The following RASGEF1A variants were observed in gnomAD, a reference collection of about 807,000 sequenced individuals.
The protein encoded by RASGEF1A is ras-GEF domain-containing family member 1A.
Under a neutral mutation model 56.4 loss-of-function variants are expected in RASGEF1A, and 18 were observed. That is an observed-to-expected ratio of 0.32 (90% CI 0.22 to 0.47). The LOEUF is 0.47. Among genes scored for constraint, RASGEF1A ranks in the 20% least tolerant of loss-of-function variants. RASGEF1A has a pLI of 1.00. For missense variants in RASGEF1A, 422 were observed against 627.1 expected (o/e 0.67, Z 3.49); for synonymous variants, 245 against 242.6 (o/e 1.01, Z -0.09).
intron 1 of RASGEF1A, among the ~76,000 whole-genome samples, chr10:43,218,500 C>T (rs1368028629): frequency 6.6e-6 from 1 of 152,246 alleles, no homozygotes; most frequent in Non-Finnish European, 1.5e-5. Context: ...CCCTTGTTCC[C>T]TCTGCAGCAG....
At chr10:43,255,694 G>C (rs895377522) in intron 1 of RASGEF1A, among the ~76,000 whole-genome samples, 2 of 152,228 alleles carry the variant, frequency 1.3e-5, no homozygotes, top group Non-Finnish European at 2.9e-5. Context: ...CAGGGCCAGA[G>C]TTAAAACCAA....
chr10:43,212,168 G>C (rs1840077647), intron 1 of RASGEF1A, among the ~76,000 whole-genome samples: 1 of 152,178 alleles, frequency 6.6e-6, no homozygotes, highest in Non-Finnish European at 1.5e-5. Flanking sequence ...GCACTGTTTT[G>C]AGACACAGAA....
At chr10:43,249,810 G>A (rs1159889388) in intron 1 of RASGEF1A, among the ~76,000 whole-genome samples, 1 of 152,202 alleles carries the variant, frequency 6.6e-6, no homozygotes, top group Non-Finnish European at 1.5e-5. Flanking sequence ...CCAAAACAGA[G>A]GATGTTCCTG....
At chr10:43,198,329 G>T in intron 9 of RASGEF1A, 134 bp from the exon 10 acceptor site, 1 of 732,752 alleles carries the variant, frequency 1.4e-6, no homozygotes, top group Non-Finnish European at 2.1e-6. Flanking sequence ...GAGTTAGCAC[G>T]GGGGAGGGGA....
In RASGEF1A at chr10:43,256,794, G is replaced by A. The variant is rs147984557; in HGVS notation, c.-7+10051C>T. 3.0e-3 allele frequency among the ~76,000 whole-genome samples: 463 copies of A among 152,260 alleles called. 2 individuals are homozygous for A. Among genetic ancestry groups the A allele is most frequent in the African/African-American group, 9.8e-3 (409 of 41,540 alleles). ...CCGTGAAGGTGGCATGAAACCCCGG[G>A]CCTCTGTTCCCCGACTTTCTTGCCA... On this transcript the variant is annotated intron_variant, in intron 1 of 12. Coordinates refer to ENST00000395810, the MANE Select transcript of RASGEF1A (RefSeq NM_145313.4).
chr10:43,228,651 T>G lies in RASGEF1A; in HGVS notation c.-6-22529A>C, dbSNP rs962765550. Among the ~76,000 whole-genome samples the G allele has an allele frequency of 2.0e-5, 3 of 152,186 alleles. No homozygotes were observed. In the East Asian group the frequency reaches 5.8e-4, roughly 29 times the overall value. On this transcript the variant is annotated intron_variant, in intron 1 of 12. Coordinates refer to ENST00000395810, the MANE Select transcript of RASGEF1A (RefSeq NM_145313.4). Reference sequence around the variant, plus strand: ...TCTATCGCTGCAGAATGACCTGAACTACCCTCACCGATGAACTCCTCACAG... The same window carrying G: ...TCTATCGCTGCAGAATGACCTGAACGACCCTCACCGATGAACTCCTCACAG...
intron 1 of RASGEF1A, among the ~76,000 whole-genome samples, chr10:43,237,990 G>A (rs1840453045): frequency 6.6e-6 from 1 of 152,194 alleles, no homozygotes; most frequent in Non-Finnish European, 1.5e-5. Flanking sequence ...CTGCCCATCA[G>A]GGGAGTGGGC....
At chr10:43,200,363 C>A (rs1369106778) in intron 5 of RASGEF1A, 107 bp from the exon 6 acceptor site, 8 of 930,858 alleles carry the variant, frequency 8.6e-6, no homozygotes, top group Admixed American at 2.1e-5. Flanking sequence ...GGGCACAGGA[C>A]CTTCACCTCC....
At chr10:43,238,370 T>G (rs1024858539) in intron 1 of RASGEF1A, among the ~76,000 whole-genome samples, 1 of 152,216 alleles carries the variant, frequency 6.6e-6, no homozygotes, top group African/African-American at 2.4e-5. Context: ...CCATCGCAGA[T>G]TGTCTGGTTT....
intron 1 of RASGEF1A, among the ~76,000 whole-genome samples, chr10:43,243,424 G>A (rs1434377889): frequency 1.3e-5 from 2 of 150,124 alleles, no homozygotes; most frequent in Non-Finnish European, 3.0e-5. Context: ...CCTGGGAAGT[G>A]AGGGGCGTCT....
At chr10:43,207,762 C>T (rs573253890) in intron 1 of RASGEF1A, 1 of 954,314 alleles carries the variant, frequency 1.0e-6, no homozygotes, top group Admixed American at 6.2e-5. Context: ...TGGTCAGAAA[C>T]TCTGGGGTGG....
intron 1 of RASGEF1A, chr10:43,207,776 G>A (rs1840017146): frequency 2.3e-6 from 2 of 875,268 alleles, no homozygotes; most frequent in South Asian, 1.0e-4. Flanking sequence ...GGGGTGGACT[G>A]CTTCTGTACC....
At chr10:43,208,810 G>C (rs1473642445) in intron 1 of RASGEF1A, 3 of 985,440 alleles carry the variant, frequency 3.0e-6, no homozygotes, top group Non-Finnish European at 3.6e-6. Context: ...ACTTCGAGGA[G>C]GGTCTCCAGG....
rs940078832 is a variant in RASGEF1A at position 43,201,741 on chromosome 10, C to A, written c.459+67G>T. The A allele has an allele frequency of 2.8e-6, 4 of 1,436,520 alleles. No individual in the cohort carries two copies. The African/African-American group carries it at 4.2e-5, about 15-fold the overall frequency. 89.0% of individuals were successfully genotyped at this position (1,436,520 alleles called of 1,614,324 possible). A position where few individuals can be genotyped will look rare whatever the true frequency, so the allele number is the denominator to read the frequency against. On this transcript the variant is annotated intron_variant, in intron 4 of 12. Transcript: ENST00000395810. ...ACATACAGAGTTGTCCCCGAAGCCC[C>A]CACCCTCCCGAGGGCAGACCCTGGC...
At chr10:43,234,089 A>C (rs1588945026) in intron 1 of RASGEF1A, among the ~76,000 whole-genome samples, 2 of 152,298 alleles carry the variant, frequency 1.3e-5, no homozygotes, top group African/African-American at 4.8e-5. Flanking sequence ...AGGGGCTGGA[A>C]GGGGCTGGAT....
At chr10:43,203,763 G>A in intron 2 of RASGEF1A, 7 of 1,054,240 alleles carry the variant, frequency 6.6e-6, no homozygotes, top group Non-Finnish European at 8.0e-6. Context: ...TGCTCGCTGC[G>A]CCAGGATGCA....
At chr10:43,212,008 T>G (rs1252792057) in intron 1 of RASGEF1A, among the ~76,000 whole-genome samples, 2 of 152,188 alleles carry the variant, frequency 1.3e-5, no homozygotes, top group African/African-American at 4.8e-5. Flanking sequence ...GCCTCAATGG[T>G]GCCCAGTGGC....
intron 1 of RASGEF1A, among the ~76,000 whole-genome samples, chr10:43,249,462 C>T (rs567575842): frequency 1.2e-3 from 186 of 152,352 alleles, no homozygotes; most frequent in African/African-American, 2.2e-3. Context: ...AAAGCACTTC[C>T]GTGGCTCCAA....
intron 1 of RASGEF1A, among the ~76,000 whole-genome samples, chr10:43,241,155 C>T (rs1422312715): frequency 1.3e-5 from 2 of 152,132 alleles, no homozygotes. Flanking sequence ...TTAAAGGTAA[C>T]TTTACTGGTT....
Sources: allele counts gnomAD v4.1 joint callset (sites outside exome capture counted in the v4.1 genomes callset), GRCh38; gene constraint gnomAD v4.1.1; transcripts MANE v1.5; gene names NCBI Gene and HGNC (gene_info 2026-07-23, HGNC 2026-07-21).